WDR89: variants seen among roughly 807,000 people sequenced by gnomAD.
The protein encoded by WDR89 is WD repeat-containing protein 89.
Under a neutral mutation model 29.1 loss-of-function variants are expected in WDR89, and 17 were observed. The observed-to-expected ratio is 0.58, with a 90% CI of 0.40 to 0.88. The LOEUF (loss-of-function observed/expected upper bound fraction) is 0.88, where lower values mean the gene tolerates loss of function less well. Among genes scored for constraint, WDR89 ranks in the 40% least tolerant of loss-of-function variants. The probability of loss-of-function intolerance (pLI) is 0.00; values close to 1 mark genes in which losing one functional copy is unlikely to be tolerated. For synonymous variants in WDR89, 138 were observed against 157.8 expected (o/e 0.87, Z 0.94); for missense variants, 396 against 456.3 (o/e 0.87, Z 1.20).
intron 1 of WDR89, among the ~76,000 whole-genome samples, chr14:63,627,936 G>T (rs1343243048): frequency 6.6e-6 from 1 of 152,044 alleles, no homozygotes; most frequent in South Asian, 2.1e-4. Flanking sequence ...TAACTTTTTT[G>T]ATTAAATTTC....
At chr14:63,603,418 T>C (rs1271912082) in intron 2 of WDR89, among the ~76,000 whole-genome samples, 1 of 152,212 alleles carries the variant, frequency 6.6e-6, no homozygotes, top group Non-Finnish European at 1.5e-5. Context: ...TTTTTGAATA[T>C]CCTATTCTTC....
chr14:63,635,749 C>T (rs551398521), intron 1 of WDR89, among the ~76,000 whole-genome samples: 1 of 152,304 alleles, frequency 6.6e-6, no homozygotes, highest in Admixed American at 6.5e-5. Flanking sequence ...CTCCAGAAAG[C>T]TCCTAGAACT....
intron 1 of WDR89, among the ~76,000 whole-genome samples, chr14:63,631,058 C>T (rs1016572589): frequency 1.3e-5 from 2 of 152,198 alleles, no homozygotes; most frequent in African/African-American, 4.8e-5. Context: ...AACCACTGGG[C>T]CCAGCCTGTA....
At chr14:63,623,860 C>T (rs1882868820) in intron 2 of WDR89, among the ~76,000 whole-genome samples, 1 of 151,728 alleles carries the variant, frequency 6.6e-6, no homozygotes, top group Non-Finnish European at 1.5e-5. Flanking sequence ...GAAAGAAACC[C>T]ATTTTAAACA....
intron 2 of WDR89, among the ~76,000 whole-genome samples, chr14:63,602,570 T>C (rs8007512): frequency 0.15 from 23,108 of 149,704 alleles, 3,249 homozygotes; most frequent in African/African-American, 0.38. Flanking sequence ...GTCGGGAGAT[T>C]GAGACCAGTC....
chr14:63,635,128 T>G (rs1035743237), intron 1 of WDR89, among the ~76,000 whole-genome samples: 9 of 152,128 alleles, frequency 5.9e-5, no homozygotes, highest in African/African-American at 2.2e-4. Flanking sequence ...ATTCATTCTA[T>G]GAAGCCAGCA....
intron 1 of WDR89, among the ~76,000 whole-genome samples, chr14:63,629,863 C>T (rs1341463035): frequency 1.3e-5 from 2 of 152,160 alleles, no homozygotes; most frequent in Non-Finnish European, 2.9e-5. Flanking sequence ...CTTATTTTTA[C>T]CTACAGCAGC....
chr14:63,610,874 G>T (rs1881938778), intron 2 of WDR89, among the ~76,000 whole-genome samples: 1 of 151,624 alleles, frequency 6.6e-6, no homozygotes, highest in Non-Finnish European at 1.5e-5. Flanking sequence ...GCTAATTTTT[G>T]TATTTCTAGT....
At chr14:63,624,074 T>TATAAGA (rs1178829932) in intron 2 of WDR89, among the ~76,000 whole-genome samples, 2 of 152,126 alleles carry the variant, frequency 1.3e-5, no homozygotes, top group Non-Finnish European at 2.9e-5. Flanking sequence ...TCTATGACCT[T>TATAAGA]TGGTTAGGCA....
chr14:63,598,665 G>A lies in WDR89; in HGVS notation c.*114C>T. 4.1e-6 allele frequency: 4 copies of A among 972,424 alleles called. No homozygotes were observed. The highest frequency in any genetic ancestry group is 5.7e-6 in the Non-Finnish European group (4 of 706,672). The allele number at this position is 972,424 out of a possible 1,614,324, so 60.2% of individuals were successfully genotyped here. A position where few individuals can be genotyped will look rare whatever the true frequency, so the allele number is the denominator to read the frequency against. On this transcript the variant is annotated 3_prime_UTR_variant, in exon 3 of 3. Transcript: ENST00000620954. ...ATTCTCACCATATTTTTCCAGGACT[G>A]TTTGCTAACTGGCTTGTTTTTACAT...
intron 1 of WDR89, among the ~76,000 whole-genome samples, chr14:63,626,095 G>T (rs540807064): frequency 3.3e-5 from 5 of 151,830 alleles, no homozygotes; most frequent in African/African-American, 4.8e-5. Context: ...CTCGTGATCC[G>T]CCCACCTTGG....
intron 1 of WDR89, among the ~76,000 whole-genome samples, chr14:63,636,518 C>T (rs751710799): frequency 2.6e-5 from 4 of 152,154 alleles, no homozygotes; most frequent in Non-Finnish European, 5.9e-5. Flanking sequence ...TCAAACTATA[C>T]CATAAGGCCA....
intron 2 of WDR89, among the ~76,000 whole-genome samples, chr14:63,605,555 G>A (rs1056525220): frequency 6.6e-6 from 1 of 151,916 alleles, no homozygotes; most frequent in Middle Eastern, 3.2e-3. Context: ...TGCCTCCCGG[G>A]TTCAAGAAAT....
intron 2 of WDR89, among the ~76,000 whole-genome samples, chr14:63,617,728 G>A (rs1169570674): frequency 6.6e-6 from 1 of 151,458 alleles, no homozygotes; most frequent in Non-Finnish European, 1.5e-5. Flanking sequence ...CAAGTGATCC[G>A]CCCACTTCGG....
rs770139450 is a variant in WDR89, at chr14:63,599,832, T to C, written c.111A>G (p.Ala37=). 6.2e-7 allele frequency: 1 copy of C among 1,614,164 alleles called. No individual in the cohort carries two copies. Among genetic ancestry groups the C allele is most frequent in the South Asian group, 1.1e-5 (1 of 91,086 alleles). ...AAACAGCAACCAAGTTTTCCTTTCC[T>C]GCTTGGACAGTCTTTGATGTGTCTA... ...LGIDTSKTVQ[A]GKENLVAVLC... is the part of the protein sequence containing the mutation. Residue 37 remains alanine, a synonymous_variant, in exon 3 of 3, where the codon GCA becomes GCG. Coordinates refer to ENST00000620954, the MANE Select transcript of WDR89 (RefSeq NM_080666.4).
At chr14:63,607,881 CAA>C (rs770768578) in intron 2 of WDR89, among the ~76,000 whole-genome samples, 24 of 61,946 alleles carry the variant, frequency 3.9e-4, no homozygotes, top group Non-Finnish European at 4.9e-4. Context: ...AAGTCTGACT[CAA>C]AAAAAAAAAA....
chr14:63,626,357 T>C (rs1044673374), intron 1 of WDR89, among the ~76,000 whole-genome samples: 1 of 152,010 alleles, frequency 6.6e-6, no homozygotes, highest in African/African-American at 2.4e-5. Flanking sequence ...AAAATTCTAA[T>C]GAACAAGAAA....
intron 2 of WDR89, among the ~76,000 whole-genome samples, chr14:63,604,969 G>C (rs1384965289): frequency 6.6e-6 from 1 of 151,970 alleles, no homozygotes; most frequent in African/African-American, 2.4e-5. Context: ...GCAACATAAA[G>C]AAACCCCTTC....
intron 2 of WDR89, among the ~76,000 whole-genome samples, chr14:63,618,336 T>G (rs1882449563): frequency 6.6e-6 from 1 of 151,910 alleles, no homozygotes; most frequent in Admixed American, 6.6e-5. Flanking sequence ...TGTATTTCTA[T>G]AAGAGATGGG....
Sources: allele counts gnomAD v4.1 joint callset (sites outside exome capture counted in the v4.1 genomes callset), GRCh38; gene constraint gnomAD v4.1.1; transcripts MANE v1.5; gene names NCBI Gene and HGNC (gene_info 2026-07-23, HGNC 2026-07-21).